ASCC3: variants seen among roughly 807,000 people sequenced by gnomAD.
ASCC3 encodes the protein ASC-1 complex subunit P200.
A neutral mutation model predicts 256.3 loss-of-function variants in ASCC3; 158 were observed. That is an observed-to-expected ratio of 0.62 (90% CI 0.54 to 0.70). The LOEUF (loss-of-function observed/expected upper bound fraction) is 0.70. Ranked by LOEUF, ASCC3 falls within the 30% of genes least tolerant of loss-of-function variation. ASCC3 has a pLI of 0.00. For synonymous variants in ASCC3, 948 were observed against 883.4 expected, an observed-to-expected ratio of 1.07 and a Z score of -1.30; for missense variants, 2,259 against 2,626.0, an observed-to-expected ratio of 0.86 and a Z score of 3.05.
chr6:100,691,189 C>T (rs886481178), intron 13 of ASCC3, among the ~76,000 whole-genome samples: 1 of 151,726 alleles, frequency 6.6e-6, no homozygotes, highest in Non-Finnish European at 1.5e-5. Flanking sequence ...TATTATCTTA[C>T]AATCAATTCA....
At chr6:100,775,161 A>G (rs2115154027) in intron 8 of ASCC3, among the ~76,000 whole-genome samples, 1 of 152,292 alleles carries the variant, frequency 6.6e-6, no homozygotes, top group South Asian at 2.1e-4. Flanking sequence ...TGTGACCAAA[A>G]GCGACACGGT....
rs10485140 is a variant in ASCC3 at position 100,648,600 on chromosome 6, G to A, written c.3253-1149C>T. Among the ~76,000 whole-genome samples the A allele has an allele frequency of 0.012, 1,853 of 152,026 alleles. 83 individuals carry two copies. In the East Asian group the frequency reaches 0.14, roughly 12 times the overall value. ...TACAAAATGGTAGATAGAAGTATGA[G>A]GACAGTTCTGATATCCATTAAAAAT... On this transcript the variant is annotated intron_variant, in intron 20 of 41. Coordinates refer to ENST00000369162, the MANE Select transcript of ASCC3 (RefSeq NM_006828.4).
intron 36 of ASCC3, among the ~76,000 whole-genome samples, chr6:100,580,482 T>C (rs959345106): frequency 4.2e-5 from 6 of 142,032 alleles, no homozygotes; most frequent in Non-Finnish European, 7.4e-5. Flanking sequence ...TTAATATTCT[T>C]TTTTTTTCCA....
intron 4 of ASCC3, among the ~76,000 whole-genome samples, chr6:100,806,555 G>A (rs1770192545): frequency 1.3e-5 from 2 of 151,922 alleles, no homozygotes. Flanking sequence ...CTAGGTTTCC[G>A]CGAGTATGAT....
At chr6:100,747,549 G>A (rs1471790542) in intron 10 of ASCC3, among the ~76,000 whole-genome samples, 1 of 151,952 alleles carries the variant, frequency 6.6e-6, no homozygotes, top group Non-Finnish European at 1.5e-5. Flanking sequence ...ATACTTAGCA[G>A]TACCAAAAAA....
At chr6:100,628,771 T>C (rs772297017) in intron 27 of ASCC3, among the ~76,000 whole-genome samples, 4 of 152,118 alleles carry the variant, frequency 2.6e-5, no homozygotes, top group South Asian at 4.1e-4. Flanking sequence ...GGTATTTCTT[T>C]ATGGCAATGT....
intron 8 of ASCC3, among the ~76,000 whole-genome samples, chr6:100,783,545 G>A (rs1274170344): frequency 6.6e-6 from 1 of 152,166 alleles, no homozygotes; most frequent in Non-Finnish European, 1.5e-5. Context: ...AGCTCACATT[G>A]CAGCAGATGA....
At chr6:100,655,261 T>C (rs915029499) in intron 17 of ASCC3, among the ~76,000 whole-genome samples, 2 of 151,898 alleles carry the variant, frequency 1.3e-5, no homozygotes, top group Non-Finnish European at 3.0e-5. Context: ...ACTGTTAAGA[T>C]AGTAACTCCT....
chr6:100,585,133 C>A (rs1004423759), intron 36 of ASCC3, among the ~76,000 whole-genome samples: 1 of 152,154 alleles, frequency 6.6e-6, no homozygotes, highest in Non-Finnish European at 1.5e-5. Context: ...GCCTGCCTTG[C>A]TAGATTGGGG....
At chr6:100,878,333 G>C (rs1389916532) in intron 1 of ASCC3, among the ~76,000 whole-genome samples, 2 of 151,964 alleles carry the variant, frequency 1.3e-5, no homozygotes, top group Admixed American at 1.3e-4. Context: ...TCAAAGGTGG[G>C]GGAAAAAAAT....
intron 16 of ASCC3, 57 bp from the exon 17 acceptor site, chr6:100,655,875 A>C (rs1182689065): frequency 3.2e-6 from 5 of 1,579,012 alleles, no homozygotes; most frequent in Admixed American, 1.7e-5. Flanking sequence ...TAAACATTAC[A>C]TCAAAGTCCA....
chr6:100,843,487 T>C (rs1214472979), intron 4 of ASCC3, among the ~76,000 whole-genome samples: 4 of 152,198 alleles, frequency 2.6e-5, no homozygotes, highest in Non-Finnish European at 1.5e-5. Context: ...TTCTAAAAAC[T>C]GATTATACAA....
chr6:100,828,366 C>T (rs746269900), intron 4 of ASCC3, among the ~76,000 whole-genome samples: 1 of 152,024 alleles, frequency 6.6e-6, no homozygotes, highest in African/African-American at 2.4e-5. Flanking sequence ...CCCCTTTATC[C>T]GCGGTGGGGA....
At chr6:100,652,943 G>A in intron 17 of ASCC3, 54 bp from the exon 18 acceptor site, 1 of 1,501,128 alleles carries the variant, frequency 6.7e-7, no homozygotes, top group Non-Finnish European at 9.3e-7. Context: ...GTAACCATTT[G>A]CAAACATATA....
chr6:100,853,859 G>C lies in ASCC3; in HGVS notation c.242-5152C>G, dbSNP rs917711537. ...TTTTTTTGAATCTGGCAAGTATGAT[G>C]ATGTTTTCTTTTACAAATATGTAAA... On this transcript the variant is annotated intron_variant, in intron 3 of 41. Coordinates refer to ENST00000369162, the MANE Select transcript of ASCC3 (RefSeq NM_006828.4). Among the ~76,000 whole-genome samples the C allele has an allele frequency of 3.9e-5, 6 of 152,216 alleles. No individual in the cohort carries two copies. In the East Asian group the frequency reaches 9.7e-4, roughly 25 times the overall value.
chr6:100,550,408 A>G (rs1769230494), intron 36 of ASCC3, among the ~76,000 whole-genome samples: 1 of 151,964 alleles, frequency 6.6e-6, no homozygotes, highest in Admixed American at 6.6e-5. Context: ...TTCCCCTGAG[A>G]AAGAGAAACC....
chr6:100,552,999 C>T (rs1270559085), intron 36 of ASCC3, among the ~76,000 whole-genome samples: 2 of 151,990 alleles, frequency 1.3e-5, no homozygotes, highest in Admixed American at 1.3e-4. Flanking sequence ...CTGCCAGGCT[C>T]TCCTGTGAAT....
intron 1 of ASCC3, among the ~76,000 whole-genome samples, chr6:100,875,572 C>G (rs954840750): frequency 6.6e-6 from 1 of 152,108 alleles, no homozygotes; most frequent in Non-Finnish European, 1.5e-5. Context: ...ATTTTGTACT[C>G]CATTTCAAAA....
In ASCC3 at chr6:100,864,207, C is replaced by A. The variant is rs772062720; in HGVS notation, c.98G>T (p.Arg33Leu). 13 of 1,601,490 alleles carry A rather than the reference C, an allele frequency of 8.1e-6. No individual in the cohort carries two copies. The highest frequency in any genetic ancestry group is 1.0e-5 in the Non-Finnish European group (12 of 1,171,660). ...TAAAACTTGTTCATGAAGTTTAGAT[C>A]GCTTTATCTGAAACAGAGATTATAA... is the stretch of plus-strand genomic sequence containing the variant. ...NEEVADLKIKRSKLHEQVLDL... is the reference protein window; with the variant it reads ...NEEVADLKIKLSKLHEQVLDL... Residue 33 changes from arginine (R) to leucine (L), a missense_variant, in exon 3 of 42, where the codon CGA (arginine) becomes CTA (leucine). Arg to Leu is a moderately radical substitution (Grantham distance 102). Around this residue, in one of 2 missense-constraint regions of ASCC3, gnomAD observed 420 missense variants for 419.3 expected, o/e 1.00. Coordinates refer to ENST00000369162, the MANE Select transcript of ASCC3 (RefSeq NM_006828.4).
Sources: allele counts gnomAD v4.1 joint callset (sites outside exome capture counted in the v4.1 genomes callset), GRCh38; gene constraint gnomAD v4.1.1; regional missense constraint gnomAD v4.1.1; transcripts MANE v1.5; gene names NCBI Gene and HGNC (gene_info 2026-07-23, HGNC 2026-07-21).